Variants in NCR1 observed in about 807,000 individuals in gnomAD.
The protein encoded by NCR1 is NK cell-activating receptor.
In NCR1, 30 loss-of-function variants were observed where a neutral mutation model predicts 32.5. The ratio of observed to expected loss-of-function variants is 0.92; its 90% CI spans 0.69 to 1.25. The LOEUF is 1.25. Among genes scored for constraint, NCR1 ranks in the 50% most tolerant of loss-of-function variants. NCR1 has a pLI of 0.00. For missense variants in NCR1, 369 were observed against 380.7 expected (o/e 0.97, Z 0.26); for synonymous variants, 169 against 143.4 (o/e 1.18, Z -1.28).
In NCR1 at chr19:54,912,211, C is replaced by T; in HGVS notation, c.726C>T (p.Leu242=). The T allele has an allele frequency of 6.2e-7, 1 of 1,613,682 alleles. No homozygotes were observed. Among genetic ancestry groups the T allele is most frequent in the Non-Finnish European group, 8.5e-7 (1 of 1,179,790 alleles). Reference sequence around the variant, plus strand: ...ACCTTTTAACCACAGAGACGGGACTCCAGAAAGGTAAGTAGACAGCTGGGG... The same window carrying T: ...ACCTTTTAACCACAGAGACGGGACTTCAGAAAGGTAAGTAGACAGCTGGGG... ...GTYLLTTETG[L]QKDHALWDHT... The change falls in exon 6 of 7, where the codon CTC becomes CTT. Residue 242 remains leucine (L), a synonymous_variant. Coordinates refer to ENST00000291890, the MANE Select transcript of NCR1 (RefSeq NM_004829.7).
chr19:54,910,604 T>C (rs2067922189), intron 5 of NCR1, among the ~76,000 whole-genome samples: 1 of 151,984 alleles, frequency 6.6e-6, no homozygotes, highest in Non-Finnish European at 1.5e-5. Context: ...ATTATATATA[T>C]ATATTCATCA....
chr19:54,934,097 C>T, the NCR1 span, among the ~76,000 whole-genome samples: 14 of 152,308 alleles, frequency 9.2e-5, no homozygotes, highest in East Asian at 2.7e-3. This position sits in a 1 kb window ranked among gnomAD's most constrained non-coding sequence, Gnocchi z 6.7. Context: ...GCGCCCACCA[C>T]ACCTGGATAA....
downstream of NCR1, among the ~76,000 whole-genome samples, chr19:54,915,474 A>G (rs890818292): frequency 6.6e-6 from 1 of 151,932 alleles, no homozygotes; most frequent in African/African-American, 2.4e-5. Flanking sequence ...ACACGGTAAA[A>G]CCCCATCTCT....
At chr19:54,903,702 TAA>T (rs199952856), upstream of NCR1, among the ~76,000 whole-genome samples, 1 of 149,252 alleles carries the variant, frequency 6.7e-6, no homozygotes, top group African/African-American at 2.5e-5. Flanking sequence ...TGTATATATA[TAA>T]AAGGTATATA....
chr19:54,937,376 T>C, the NCR1 span, among the ~76,000 whole-genome samples: 2 of 151,410 alleles, frequency 1.3e-5, no homozygotes, highest in African/African-American at 4.9e-5. Flanking sequence ...TGGTTTGTTT[T>C]GGTAACAAAA....
At chr19:54,904,657 C>T (rs1400309323), upstream of NCR1, among the ~76,000 whole-genome samples, 3 of 151,794 alleles carry the variant, frequency 2.0e-5, no homozygotes, top group South Asian at 4.2e-4. Context: ...CTCAGCCTCC[C>T]GAGTAGTTGG....
downstream of NCR1, among the ~76,000 whole-genome samples, chr19:54,919,725 C>CCCCA (rs1556721757): frequency 6.9e-6 from 1 of 145,360 alleles, no homozygotes; most frequent in South Asian, 2.2e-4. Flanking sequence ...CCCCCCCCCC[C>CCCCA]ACCCGCTGCC....
chr19:54,937,900 C>CAAAA, the NCR1 span: 4,989 of 509,836 alleles, frequency 9.8e-3, 7 homozygotes, highest in Middle Eastern at 0.015. Flanking sequence ...TCCGTCTCAC[C>CAAAA]AAAAAAAAAA....
At chr19:54,929,291 G>A in the NCR1 span, among the ~76,000 whole-genome samples, 3 of 152,054 alleles carry the variant, frequency 2.0e-5, no homozygotes, top group African/African-American at 4.8e-5. Flanking sequence ...CTTGAACCTT[G>A]GAGGCTGAGG....
Position 54,912,978 on chromosome 19 carries a change from G to A in NCR1, c.*107G>A. The A allele has an allele frequency of 9.6e-7, 1 of 1,046,006 alleles. No homozygotes were observed. The highest frequency in any genetic ancestry group is 1.4e-6 in the Non-Finnish European group (1 of 727,916). The allele number at this position is 1,046,006 out of a possible 1,614,324, so 64.8% of individuals were successfully genotyped here. A position where few individuals can be genotyped will look rare whatever the true frequency, so the allele number is the denominator to read the frequency against. ...CCACGGAGGAGGGAGTCACTGCAGG[G>A]AAAGAGGGACACTGGCATTCCATTT... On this transcript the variant is annotated 3_prime_UTR_variant, in exon 7 of 7. Coordinates refer to ENST00000291890, the MANE Select transcript of NCR1 (RefSeq NM_004829.7).
chr19:54,920,889 T>C (rs1222794605), downstream of NCR1, among the ~76,000 whole-genome samples: 1 of 152,050 alleles, frequency 6.6e-6, no homozygotes, highest in East Asian at 1.9e-4. Context: ...GTGGCTCACC[T>C]GAGGTCAGGA....
chr19:54,918,702 G>C (rs1159386309), downstream of NCR1, among the ~76,000 whole-genome samples: 1 of 151,834 alleles, frequency 6.6e-6, no homozygotes, highest in African/African-American at 2.4e-5. Context: ...AGCCAGGCAC[G>C]GTGGCGGTGG....
chr19:54,904,148 GAAAAAGAAAA>G (rs2067395067), upstream of NCR1, among the ~76,000 whole-genome samples: 3 of 89,332 alleles, frequency 3.4e-5, no homozygotes, highest in Admixed American at 9.4e-5. Flanking sequence ...AAAAAAGAAA[GAAAAAGAAAA>G]AGAAAAGAAA....
At chr19:54,934,720 T>TG in the NCR1 span, 1 of 1,401,034 alleles carries the variant, frequency 7.1e-7, no homozygotes, top group East Asian at 2.5e-5. The surrounding 1 kb of genome is among the most constrained non-coding windows in gnomAD (Gnocchi z 6.7). Context: ...TATCAGCTTT[T>TG]TTTTTTTGAG....
upstream of NCR1, among the ~76,000 whole-genome samples, chr19:54,901,917 G>A (rs1013063125): frequency 2.0e-5 from 3 of 152,200 alleles, no homozygotes; most frequent in African/African-American, 7.2e-5. Context: ...GCAGTGAGCT[G>A]AGATCACACC....
chr19:54,901,848 A>G (rs1383844604), upstream of NCR1, among the ~76,000 whole-genome samples: 3 of 152,052 alleles, frequency 2.0e-5, no homozygotes, highest in Non-Finnish European at 2.9e-5. Context: ...GGTGCCTCTA[A>G]TCCCAGCTAC....
At chr19:54,905,417 C>T (rs866557605), upstream of NCR1, among the ~76,000 whole-genome samples, 5 of 150,912 alleles carry the variant, frequency 3.3e-5, no homozygotes, top group Middle Eastern at 6.8e-3. Flanking sequence ...GACTGAGGCT[C>T]GAACAGAGAG....
At chr19:54,929,351 C>T in the NCR1 span, among the ~76,000 whole-genome samples, 6 of 151,872 alleles carry the variant, frequency 4.0e-5, no homozygotes, top group Admixed American at 1.3e-4. Context: ...GGTGACAAAG[C>T]GAGACTCTGT....
At chr19:54,911,070 G>T (rs756895324) in intron 5 of NCR1, among the ~76,000 whole-genome samples, 2 of 152,108 alleles carry the variant, frequency 1.3e-5, no homozygotes, top group Non-Finnish European at 2.9e-5. Flanking sequence ...AGTGAGGCCC[G>T]GCGCGGTGGC....
Sources: allele counts gnomAD v4.1 joint callset (sites outside exome capture counted in the v4.1 genomes callset), GRCh38; gene constraint gnomAD v4.1.1; non-coding constraint Gnocchi (gnomAD v3.1); transcripts MANE v1.5; gene names NCBI Gene and HGNC (gene_info 2026-07-23, HGNC 2026-07-21).